The following KIF13A variants were observed in gnomAD, a reference collection of about 807,000 sequenced individuals.
KIF13A encodes the protein kinesin-like protein KIF13A.
A neutral mutation model predicts 212.2 loss-of-function variants in KIF13A; 79 were observed. The observed-to-expected ratio is 0.37, with a 90% confidence interval of 0.31 to 0.45. KIF13A has a LOEUF of 0.45. KIF13A is among the 20% of genes least tolerant of loss of function. KIF13A has a pLI of 1.00. For synonymous variants in KIF13A, 789 were observed against 808.6 expected (o/e 0.98, Z 0.41); for missense variants, 1,901 against 2,209.0 (o/e 0.86, Z 2.79).
chr6:17,928,553 G>T (rs116767864), intron 2 of KIF13A, among the ~76,000 whole-genome samples: 1 of 152,158 alleles, frequency 6.6e-6, no homozygotes, highest in Non-Finnish European at 1.5e-5. Flanking sequence ...AAGGAAATCC[G>T]GAGTTCACTT....
At chr6:17,976,227 TGGA>T (rs2150625953) in intron 2 of KIF13A, among the ~76,000 whole-genome samples, 1 of 152,208 alleles carries the variant, frequency 6.6e-6, no homozygotes, top group Non-Finnish European at 1.5e-5. Flanking sequence ...CTGGGCGCGG[TGGA>T]GAAGGGGCCG....
In KIF13A at chr6:17,883,131, T is replaced by C. The variant is rs1032724296; in HGVS notation, c.160-9694A>G. Reference sequence around the variant, plus strand: ...TCCCAGTGTTTTGAGAGGCTGAGACTGAAGGATCACTTGAAGCCAAGAGTT... The same window carrying C: ...TCCCAGTGTTTTGAGAGGCTGAGACCGAAGGATCACTTGAAGCCAAGAGTT... On this transcript the variant is annotated intron_variant, in intron 3 of 38. Transcript: ENST00000259711. The surrounding 1 kb of genome is among the most constrained non-coding windows in gnomAD (Gnocchi z 4.8). Among the ~76,000 whole-genome samples, 2 of 152,244 alleles carry C rather than the reference T, an allele frequency of 1.3e-5. No individual in the cohort carries two copies. The highest frequency in any genetic ancestry group is 3.9e-4 in the East Asian group (2 of 5,172).
rs193016545 is a variant in KIF13A, at chr6:17,825,220, T to C, written c.1786+548A>G. On this transcript the variant is annotated intron_variant, in intron 16 of 38. Coordinates refer to ENST00000259711, the MANE Select transcript of KIF13A (RefSeq NM_022113.6). This position sits in a 1 kb window ranked among gnomAD's most constrained non-coding sequence, Gnocchi z 4.5. ...AGGTAAAGGAACACGGACTTTTAGA[T>C]GTGAAACTTGGTATAAGTCAAATAA... Among the ~76,000 whole-genome samples the C allele has an allele frequency of 2.0e-4, 31 of 152,344 alleles. No homozygotes were observed. Among genetic ancestry groups the C allele is most frequent in the African/African-American group, 6.5e-4 (27 of 41,580 alleles).
chr6:17,865,686 T>G (rs148807265), intron 4 of KIF13A, among the ~76,000 whole-genome samples: 1 of 152,358 alleles, frequency 6.6e-6, no homozygotes, highest in African/African-American at 2.4e-5. Context: ...ATAAAGAAAC[T>G]GAAGCTGTAA....
intron 4 of KIF13A, among the ~76,000 whole-genome samples, chr6:17,859,073 C>T (rs548087253): frequency 1.3e-5 from 2 of 152,182 alleles, no homozygotes; most frequent in African/African-American, 2.4e-5. Flanking sequence ...GCTGAATACG[C>T]TGGAATTAGG....
rs985965130 is a variant in KIF13A, at chr6:17,871,502, G to C, written c.220+1875C>G. Among the ~76,000 whole-genome samples, 1 of 152,082 alleles carries C rather than the reference G, an allele frequency of 6.6e-6. No individual in the cohort carries two copies. The highest frequency in any genetic ancestry group is 2.4e-5 in the African/African-American group (1 of 41,394). ...TCTAACTTATTTTTGGATTTCTCAA[G>C]GGCTTCATGGGCTGCACACACACAG... On this transcript the variant is annotated intron_variant, in intron 4 of 38. Coordinates refer to ENST00000259711, the MANE Select transcript of KIF13A (RefSeq NM_022113.6). The surrounding 1 kb of genome is among the most constrained non-coding windows in gnomAD (Gnocchi z 4.4).
At position 17,780,894 on chromosome 6, in the gene KIF13A, C is replaced by T. The variant is rs1365459038; in HGVS notation, c.3682G>A (p.Ala1228Thr). 4 of 1,613,258 alleles carry T rather than the reference C, an allele frequency of 2.5e-6. No homozygotes were observed. The highest frequency in any genetic ancestry group is 3.4e-6 in the Non-Finnish European group (4 of 1,179,460). ...KHSDDEVSATASWDSSVHDSV... is the reference protein window; with the variant it reads ...KHSDDEVSATTSWDSSVHDSV... ...TCATGCACCGAGGAATCCCAAGAGG[C>T]TGTGGCTGAAACCTAGGAGTTGGGG... Residue 1228 changes from alanine to threonine, a missense_variant, in exon 31 of 39, where the codon GCC becomes ACC. Ala to Thr is a moderately conservative substitution (Grantham distance 58). This residue lies in a region of KIF13A where 687 missense variants were observed against 759.1 expected (regional missense o/e 0.90). Transcript: ENST00000259711.
At chr6:17,781,968 G>A (rs184931412) in intron 29 of KIF13A, among the ~76,000 whole-genome samples, 5 of 151,864 alleles carry the variant, frequency 3.3e-5, no homozygotes, top group Admixed American at 2.0e-4. Flanking sequence ...ATGGAGTCCC[G>A]CTCTGTAGCC....
Position 17,987,556 on chromosome 6 carries a change from TCGAGCGCGGCCGCCGCCGCTCCG to T in KIF13A, c.-116_-94del. On this transcript the variant is annotated 5_prime_UTR_variant, in exon 1 of 39. An upstream open reading frame in the 5' UTR loses its in-frame stop. Transcript: ENST00000259711. This position sits in a 1 kb window ranked among gnomAD's most constrained non-coding sequence, Gnocchi z 7.7. Reference sequence around the variant, plus strand: ...CGCCGCCGCTGCAGCCGCGCGCCCCTCGAGCGCGGCCGCCGCCGCTCCGCCGTGAGCTCCGAGAGGCAGCGCCG... The same window carrying T: ...CGCCGCCGCTGCAGCCGCGCGCCCCTCCGTGAGCTCCGAGAGGCAGCGCCG... 1.6e-6 allele frequency: 1 copy of T among 630,094 alleles called. No individual in the cohort carries two copies. The highest frequency in any genetic ancestry group is 2.0e-6 in the Non-Finnish European group (1 of 506,428). 39.0% of individuals were successfully genotyped at this position (630,094 alleles called of 1,614,324 possible).
At chr6:17,759,854 C>G (rs1758508227), downstream of KIF13A, 1 of 152,192 alleles carries the variant, frequency 6.6e-6, no homozygotes, top group Non-Finnish European at 1.5e-5. Flanking sequence ...ACACAAAAAT[C>G]AACACCTCCC....
At chr6:17,974,992 T>C (rs113726373) in intron 2 of KIF13A, among the ~76,000 whole-genome samples, 1,747 of 152,292 alleles carry the variant, frequency 0.011, 27 homozygotes, top group African/African-American at 0.04. Context: ...TCTAGACTAG[T>C]TCTCAAAGCT....
At chr6:17,806,990 A>C (rs1263637283) in intron 18 of KIF13A, among the ~76,000 whole-genome samples, 1 of 152,216 alleles carries the variant, frequency 6.6e-6, no homozygotes, top group Non-Finnish European at 1.5e-5. Context: ...CAGTTCCCAA[A>C]TAATACTTTT....
chr6:17,870,103 T>C (rs1050422583), intron 4 of KIF13A, among the ~76,000 whole-genome samples: 1 of 152,246 alleles, frequency 6.6e-6, no homozygotes, highest in Non-Finnish European at 1.5e-5. Flanking sequence ...ACAATAGATG[T>C]AAACTTGAGA....
Position 17,771,310 on chromosome 6 carries a change from T to G in KIF13A, c.4477-92A>C. 1 of 774,992 alleles carries G rather than the reference T, an allele frequency of 1.3e-6. No individual in the cohort carries two copies. Among genetic ancestry groups the G allele is most frequent in the Non-Finnish European group, 2.2e-6 (1 of 453,922 alleles). 48.0% of individuals were successfully genotyped at this position (774,992 alleles called of 1,614,324 possible). Reference sequence around the variant, plus strand: ...TACATGCAAGTTAGAAAAGCAATGCTAACACTCTTATTACATGTGAGTAAT... The same window carrying G: ...TACATGCAAGTTAGAAAAGCAATGCGAACACTCTTATTACATGTGAGTAAT... On this transcript the variant is annotated intron_variant, in intron 37 of 38. Transcript: ENST00000259711. This position sits in a 1 kb window ranked among gnomAD's most constrained non-coding sequence, Gnocchi z 5.4.
chr6:17,824,587 C>T (rs1003628271), intron 16 of KIF13A, among the ~76,000 whole-genome samples: 1 of 151,770 alleles, frequency 6.6e-6, no homozygotes, highest in African/African-American at 2.4e-5. Flanking sequence ...GGTGAAACCC[C>T]GTCTCTACTA....
rs1781676157 is a variant in KIF13A at position 17,987,450 on chromosome 6, T to C, written c.14A>G (p.Lys5Arg). The change falls in exon 1 of 39, where the codon AAG becomes AGG. Residue 5 changes from lysine (K) to arginine (R), a missense_variant. Physicochemically the swap from Lys to Arg is conservative, Grantham distance 26 (BLOSUM62 2). Around this residue, in one of 5 missense-constraint regions of KIF13A, gnomAD observed 506 missense variants for 637.4 expected, o/e 0.79. Coordinates refer to ENST00000259711, the MANE Select transcript of KIF13A (RefSeq NM_022113.6). This position sits in a 1 kb window ranked among gnomAD's most constrained non-coding sequence, Gnocchi z 7.7. The stretch of plus-strand genomic sequence containing the variant: ...CCGGACCCGGACGGCAACTTTTACC[T>C]TGGTATCCGACATGTTGGCTGCGCT... MSDT[K>R]VKVAVRVRPM... is the part of the protein sequence containing the mutation. The C allele has an allele frequency of 7.5e-7, 1 of 1,329,576 alleles. No homozygotes were observed. Among genetic ancestry groups the C allele is most frequent in the Non-Finnish European group, 9.9e-7 (1 of 1,008,466 alleles). The allele number at this position is 1,329,576 out of a possible 1,614,324, so 82.4% of individuals were successfully genotyped here. A position where few individuals can be genotyped will look rare whatever the true frequency, so the allele number is the denominator to read the frequency against.
At chr6:17,986,713 G>A (rs1193346165) in intron 2 of KIF13A, among the ~76,000 whole-genome samples, 4 of 152,354 alleles carry the variant, frequency 2.6e-5, no homozygotes, top group East Asian at 1.9e-4. Context: ...TCACCTGCCC[G>A]CCTCGGGCCT....
rs2150289633 is a variant in KIF13A, at chr6:17,769,752, G to C, written c.4581+1362C>G. ...GACACAGAGCCAGAGAATTGGCAGG[G>C]GAAAAAACTAGTCATTTGGCCTTTT... On this transcript the variant is annotated intron_variant, in intron 38 of 38. Coordinates refer to ENST00000259711, the MANE Select transcript of KIF13A (RefSeq NM_022113.6). The surrounding 1 kb of genome is among the most constrained non-coding windows in gnomAD (Gnocchi z 5.8). Among the ~76,000 whole-genome samples, 1 of 152,206 alleles carries C rather than the reference G, an allele frequency of 6.6e-6. No homozygotes were observed. Among genetic ancestry groups the C allele is most frequent in the African/African-American group, 2.4e-5 (1 of 41,534 alleles).
chr6:17,801,894 C>A (rs1216771407), intron 20 of KIF13A, among the ~76,000 whole-genome samples: 1 of 152,202 alleles, frequency 6.6e-6, no homozygotes. Context: ...AATTTTCTAT[C>A]ATGGTGGCTC....
Sources: gnomAD v4.1 joint callset for allele counts (sites outside exome capture counted in the v4.1 genomes callset) on GRCh38, gnomAD v4.1.1 for gene constraint, gnomAD v4.1.1 regional missense constraint, Gnocchi (gnomAD v3.1) non-coding constraint, MANE v1.5 for transcripts, NCBI Gene and HGNC (gene_info 2026-07-23, HGNC 2026-07-21) for gene names.